ABI3BP: variants seen among roughly 807,000 people sequenced by gnomAD.
The protein encoded by ABI3BP is target of Nesh-SH3.
Under a neutral mutation model 268.6 loss-of-function variants are expected in ABI3BP, and 216 were observed. The ratio of observed to expected loss-of-function variants is 0.80; its 90% CI spans 0.72 to 0.90. The LOEUF is 0.90. Ranked by LOEUF, ABI3BP falls within the 40% of genes least tolerant of loss-of-function variation. The probability of loss-of-function intolerance (pLI) is 0.00; values close to 1 mark genes in which losing one functional copy is unlikely to be tolerated. For synonymous variants in ABI3BP, 730 were observed against 730.0 expected, an observed-to-expected ratio of 1.00 and a Z score of 0.00; for missense variants, 2,090 against 2,182.4, an observed-to-expected ratio of 0.96 and a Z score of 0.84.
At chr3:100,778,679 G>T in intron 58 of ABI3BP, 1 of 281,314 alleles carries the variant, frequency 3.6e-6, no homozygotes, top group Non-Finnish European at 6.5e-6. Context: ...AAACAACTGT[G>T]GATGGAAAAT....
At chr3:100,977,638 C>T (rs1317036194) in intron 1 of ABI3BP, among the ~76,000 whole-genome samples, 1 of 152,166 alleles carries the variant, frequency 6.6e-6, no homozygotes, top group Non-Finnish European at 1.5e-5. Context: ...AAGGTGTAAA[C>T]TGCAATGTCC....
Position 100,885,708 on chromosome 3 carries a change from A to G in ABI3BP, c.644-120T>C, listed in dbSNP as rs143627647. 101 of 572,336 alleles carry G rather than the reference A, an allele frequency of 1.8e-4. No individual in the cohort carries two copies. The African/African-American group carries it at 1.8e-3, about 10-fold the overall frequency. The allele number at this position is 572,336 out of a possible 1,614,324, so 35.5% of individuals were successfully genotyped here. A position where few individuals can be genotyped will look rare whatever the true frequency, so the allele number is the denominator to read the frequency against. On this transcript the variant is annotated intron_variant, in intron 5 of 67. Transcript: ENST00000471714. ...CTAACTTGGATGTATAATTTTAATCACTATCATTTTAAACACTGATGCCAA... is the reference window on the plus strand; with the variant it reads ...CTAACTTGGATGTATAATTTTAATCGCTATCATTTTAAACACTGATGCCAA...
At chr3:100,959,679 G>A (rs1277051811) in intron 1 of ABI3BP, among the ~76,000 whole-genome samples, 1 of 151,934 alleles carries the variant, frequency 6.6e-6, no homozygotes, top group Non-Finnish European at 1.5e-5. Context: ...ATCCAAAGCT[G>A]AGGGTAGGAT....
intron 1 of ABI3BP, among the ~76,000 whole-genome samples, chr3:100,967,045 T>A (rs1242595736): frequency 6.6e-6 from 1 of 152,140 alleles, no homozygotes; most frequent in Non-Finnish European, 1.5e-5. Context: ...GACTTAATGT[T>A]CCTAAATCTC....
rs900872639 is a variant in ABI3BP, at chr3:100,874,900, G to C, written c.851C>G (p.Thr284Ser). 6.2e-7 allele frequency: 1 copy of C among 1,600,344 alleles called. No homozygotes were observed. Among genetic ancestry groups the C allele is most frequent in the Non-Finnish European group, 8.5e-7 (1 of 1,172,174 alleles). Residue 284 changes from threonine to serine, a missense_variant, in exon 9 of 68, where the codon ACT (threonine) becomes AGT (serine). Coordinates refer to ENST00000471714, the MANE Select transcript of ABI3BP (RefSeq NM_001375547.2). ...CATTAGGGATGCAGGAAGTTTTACA[G>C]TAGTTTCATTAAGACCTGGAATAAT... ...HLIIPGLNET[T>S]VKLPASLMFE...
In ABI3BP at chr3:100,894,965, A is replaced by AAAAAAAAAAAAAAAAAAAC. The variant is rs760156604; in HGVS notation, c.461+3796_461+3797insGTTTTTTTTTTTTTTTTTT. On this transcript the variant is annotated intron_variant, in intron 4 of 67. Coordinates refer to ENST00000471714, the MANE Select transcript of ABI3BP (RefSeq NM_001375547.2). The stretch of plus-strand genomic sequence containing the variant: ...AAAAAAAAAAAAAAAAAAAAAAAAA[A>AAAAAAAAAAAAAAAAAAAC]AACAGAAAAAAAAAACACAAGATGA... Among the ~76,000 whole-genome samples the AAAAAAAAAAAAAAAAAAAC allele has an allele frequency of 1.8e-4, 22 of 120,756 alleles. 1 individual carries two copies. The highest frequency in any genetic ancestry group is 2.9e-4 in the Non-Finnish European group (15 of 51,394). The allele number at this position is 120,756 out of a possible 152,430, so 79.2% of individuals were successfully genotyped here.
chr3:100,759,009 T>G (rs2095796542), intron 63 of ABI3BP, among the ~76,000 whole-genome samples: 1 of 152,192 alleles, frequency 6.6e-6, no homozygotes, highest in Non-Finnish European at 1.5e-5. Flanking sequence ...TTCCTTCTAT[T>G]TTTTGCCTAC....
intron 50 of ABI3BP, 49 bp downstream of exon 50, chr3:100,808,112 C>A (rs759825451): frequency 6.6e-7 from 1 of 1,520,118 alleles, no homozygotes; most frequent in African/African-American, 1.4e-5. Context: ...GCTAGAATAA[C>A]CCCACTAACC....
chr3:100,847,557 T>G, intron 19 of ABI3BP, 45 bp downstream of exon 19: 1 of 1,503,406 alleles, frequency 6.7e-7, no homozygotes, highest in Non-Finnish European at 9.3e-7. Context: ...GGATTTTCCA[T>G]GGTGAAATGA....
intron 1 of ABI3BP, among the ~76,000 whole-genome samples, chr3:100,965,987 G>A (rs1289311261): frequency 6.6e-6 from 1 of 152,176 alleles, no homozygotes; most frequent in Non-Finnish European, 1.5e-5. Flanking sequence ...CAAGGGCAAA[G>A]ATGGGCCCCA....
At chr3:100,837,090 A>T (rs1445648374) in intron 27 of ABI3BP, 34 bp downstream of exon 27, 1 of 1,510,344 alleles carries the variant, frequency 6.6e-7, no homozygotes, top group Non-Finnish European at 8.8e-7. Flanking sequence ...AAGCTCAGAG[A>T]AACATTGGCC....
intron 1 of ABI3BP, among the ~76,000 whole-genome samples, chr3:100,950,481 A>C (rs1430780322): frequency 1.3e-5 from 2 of 152,058 alleles, no homozygotes; most frequent in Non-Finnish European, 2.9e-5. Context: ...TGGGTGAGTC[A>C]GGAATGGTAT....
intron 6 of ABI3BP, among the ~76,000 whole-genome samples, chr3:100,884,217 A>G (rs558566652): frequency 6.6e-6 from 1 of 152,154 alleles, no homozygotes; most frequent in Admixed American, 6.6e-5. Context: ...TAAGTATTAG[A>G]CAATTAGAAA....
At position 100,993,214 on chromosome 3, in the gene ABI3BP, C is replaced by T. The variant is rs757052332; in HGVS notation, c.79+92G>A. The T allele has an allele frequency of 1.0e-4, 94 of 900,906 alleles. 1 individual carries two copies. Among genetic ancestry groups the T allele is most frequent in the Non-Finnish European group, 1.5e-4 (90 of 590,520 alleles). 55.8% of individuals were successfully genotyped at this position (900,906 alleles called of 1,614,324 possible). On this transcript the variant is annotated intron_variant, in intron 1 of 67. Transcript: ENST00000471714. Reference sequence around the variant, plus strand: ...CTCTGCAGAATAACTCTATTCCCCCCGTATGGTAAAGCAGATCATATTTAA... The same window carrying T: ...CTCTGCAGAATAACTCTATTCCCCCTGTATGGTAAAGCAGATCATATTTAA...
chr3:100,866,299 T>C (rs2153208065), intron 10 of ABI3BP, among the ~76,000 whole-genome samples: 2 of 152,306 alleles, frequency 1.3e-5, no homozygotes, highest in South Asian at 4.2e-4. Context: ...TGGACTTGAG[T>C]AGTTCATTAA....
At chr3:100,820,120 A>T in intron 40 of ABI3BP, 100 bp downstream of exon 40, 1 of 1,044,824 alleles carries the variant, frequency 9.6e-7, no homozygotes, top group Non-Finnish European at 1.4e-6. Context: ...GCCTTCATCC[A>T]CATGGTACTC....
At chr3:100,761,149 A>G (rs1300563358) in intron 63 of ABI3BP, among the ~76,000 whole-genome samples, 1 of 152,118 alleles carries the variant, frequency 6.6e-6, no homozygotes, top group Non-Finnish European at 1.5e-5. Context: ...TTAGAAGAGG[A>G]CCTCTAGGTT....
Position 100,829,652 on chromosome 3 carries a change from G to A in ABI3BP, c.2471C>T (p.Pro824Leu), listed in dbSNP as rs1396401339. Residue 824 changes from proline (P) to leucine (L), a missense_variant, in exon 33 of 68, where the codon CCT becomes CTT. Coordinates refer to ENST00000471714, the MANE Select transcript of ABI3BP (RefSeq NM_001375547.2). ...ASGTTAAPKVPQRTHRPHPKP... is the reference protein window; with the variant it reads ...ASGTTAAPKVLQRTHRPHPKP... Reference sequence around the variant, plus strand: ...GGGATGTGGACGATGAGTTCGTTGAGGCACTTTGGGAGCTAAAGGAAGAAA... The same window carrying A: ...GGGATGTGGACGATGAGTTCGTTGAAGCACTTTGGGAGCTAAAGGAAGAAA... 3.9e-6 allele frequency: 6 copies of A among 1,535,346 alleles called. No individual in the cohort carries two copies. The highest frequency in any genetic ancestry group is 1.4e-5 in the African/African-American group (1 of 72,956).
intron 58 of ABI3BP, chr3:100,778,742 T>C (rs1316362053): frequency 5.1e-6 from 1 of 197,530 alleles, no homozygotes; most frequent in African/African-American, 2.4e-5. Flanking sequence ...AAACACAAAA[T>C]GTAACAATTA....
Sources: allele counts gnomAD v4.1 joint callset (sites outside exome capture counted in the v4.1 genomes callset), GRCh38; gene constraint gnomAD v4.1.1; transcripts MANE v1.5; gene names NCBI Gene and HGNC (gene_info 2026-07-23, HGNC 2026-07-21).